The following RNF38 variants were observed in gnomAD, a reference collection of about 807,000 sequenced individuals.
RNF38 encodes the protein ring finger protein 38, also known as E3 ubiquitin-protein ligase RNF38.
Under a neutral mutation model 67.2 loss-of-function variants are expected in RNF38, and 15 were observed. That is an observed-to-expected ratio of 0.22 (90% confidence interval 0.15 to 0.34). The LOEUF (loss-of-function observed/expected upper bound fraction) is 0.34. Among genes scored for constraint, RNF38 ranks in the 10% least tolerant of loss-of-function variants. The pLI is 1.00. For synonymous variants in RNF38, 220 were observed against 218.8 expected (o/e 1.01, Z -0.05); for missense variants, 524 against 639.9 (o/e 0.82, Z 1.95).
At chr9:36,478,820 A>G (rs1445451990) in intron 1 of RNF38, among the ~76,000 whole-genome samples, 1 of 132,812 alleles carries the variant, frequency 7.5e-6, no homozygotes, top group East Asian at 1.9e-4. Context: ...GCTGTCTCAA[A>G]AAAAAAAAAA....
chr9:36,451,447 CA>C (rs1206363738), intron 1 of RNF38, among the ~76,000 whole-genome samples: 1 of 128,838 alleles, frequency 7.8e-6, no homozygotes, highest in African/African-American at 2.8e-5. Context: ...GCCTGTGCAA[CA>C]AGAGTGAAAC....
intron 1 of RNF38, among the ~76,000 whole-genome samples, chr9:36,429,761 T>C (rs1029682823): frequency 2.6e-5 from 4 of 152,146 alleles, no homozygotes; most frequent in African/African-American, 9.7e-5. Context: ...GCCACTGCAC[T>C]CCAGCCTGGG....
At chr9:36,416,874 G>A (rs1300036531) in intron 2 of RNF38, among the ~76,000 whole-genome samples, 1 of 148,168 alleles carries the variant, frequency 6.7e-6, no homozygotes, top group Non-Finnish European at 1.5e-5. Context: ...TGCCTCAGCT[G>A]CCTAAGTAGC....
exon 1 of RNF38, chr9:36,487,418 G>T (rs1357335855): frequency 1.1e-5 from 11 of 981,360 alleles, no homozygotes; most frequent in Non-Finnish European, 1.2e-5. Flanking sequence ...CCGGGGCGGC[G>T]GCGGTGGGGG....
At chr9:36,438,296 C>T (rs947568960) in intron 1 of RNF38, among the ~76,000 whole-genome samples, 1 of 151,858 alleles carries the variant, frequency 6.6e-6, no homozygotes, top group Non-Finnish European at 1.5e-5. Flanking sequence ...AAGGTAGATC[C>T]GATACTCTAA....
At chr9:36,453,956 G>C (rs777075219) in intron 1 of RNF38, among the ~76,000 whole-genome samples, 8 of 152,166 alleles carry the variant, frequency 5.3e-5, no homozygotes, top group Non-Finnish European at 8.8e-5. Context: ...GGGATGAGGG[G>C]AGAAGGTAGA....
At chr9:36,416,184 C>T (rs994387619) in intron 2 of RNF38, among the ~76,000 whole-genome samples, 3 of 6,422 alleles carry the variant, frequency 4.7e-4, no homozygotes, top group Non-Finnish European at 9.3e-4. Flanking sequence ...GGCCACAGGG[C>T]GGAGGGAGGG....
chr9:36,401,211 G>T (rs1252442993), upstream of RNF38: 5 of 982,466 alleles, frequency 5.1e-6, no homozygotes, highest in East Asian at 5.8e-4. Context: ...GGCGGGGCGG[G>T]GCGGGGCGGG....
intron 1 of RNF38, among the ~76,000 whole-genome samples, chr9:36,484,177 A>G (rs1025814228): frequency 3.3e-5 from 5 of 152,234 alleles, no homozygotes; most frequent in Non-Finnish European, 5.9e-5. Context: ...TACACCTGAT[A>G]TATCAGAATG....
intron 9 of RNF38, among the ~76,000 whole-genome samples, chr9:36,345,779 TA>T (rs1833182681): frequency 6.6e-6 from 1 of 151,808 alleles, no homozygotes. Context: ...TACCATGGCC[TA>T]ATATGTCTCA....
chr9:36,401,608 A>T (rs1012102665), upstream of RNF38, among the ~76,000 whole-genome samples: 3 of 152,232 alleles, frequency 2.0e-5, no homozygotes, highest in African/African-American at 7.2e-5. Context: ...AAATAAGAAC[A>T]AAGATTGAAG....
chr9:36,422,549 A>G (rs1838659570), intron 2 of RNF38, among the ~76,000 whole-genome samples: 1 of 152,232 alleles, frequency 6.6e-6, no homozygotes, highest in Non-Finnish European at 1.5e-5. Context: ...TGTATTCCCT[A>G]AATGCCTAGA....
intron 1 of RNF38, among the ~76,000 whole-genome samples, chr9:36,446,493 G>C (rs1309077158): frequency 6.6e-6 from 1 of 152,132 alleles, no homozygotes; most frequent in Non-Finnish European, 1.5e-5. Flanking sequence ...AATTAAATCT[G>C]AAAACACTTT....
chr9:36,441,507 G>A (rs1025589945), intron 1 of RNF38, among the ~76,000 whole-genome samples: 2 of 151,980 alleles, frequency 1.3e-5, no homozygotes, highest in Non-Finnish European at 2.9e-5. Context: ...TCTATTTTTA[G>A]TAGAGCGGGG....
intron 11 of RNF38, 145 bp from the exon 12 acceptor site, chr9:36,339,959 C>G: frequency 2.8e-6 from 2 of 703,670 alleles, no homozygotes; most frequent in Admixed American, 2.6e-5. Flanking sequence ...CTTTTTTTAA[C>G]CCATAAACCT....
intron 1 of RNF38, among the ~76,000 whole-genome samples, chr9:36,394,033 T>C (rs1316592382): frequency 1.3e-5 from 2 of 152,138 alleles, no homozygotes; most frequent in Non-Finnish European, 2.9e-5. Context: ...TCCCAGCACT[T>C]TGGGAGGCCG....
At chr9:36,456,329 T>C (rs1006023115) in intron 1 of RNF38, among the ~76,000 whole-genome samples, 2 of 152,200 alleles carry the variant, frequency 1.3e-5, no homozygotes, top group African/African-American at 4.8e-5. Context: ...AATGCTGGGA[T>C]TACAGGCGTG....
At chr9:36,358,066 C>T in intron 4 of RNF38, 124 bp from the exon 5 acceptor site, 1 of 698,198 alleles carries the variant, frequency 1.4e-6, no homozygotes, top group Non-Finnish European at 2.4e-6. Flanking sequence ...AATGTACTCT[C>T]CAATAGTTTC....
chr9:36,374,186 T>C (rs1364703797), intron 3 of RNF38, among the ~76,000 whole-genome samples: 1 of 152,210 alleles, frequency 6.6e-6, no homozygotes, highest in Non-Finnish European at 1.5e-5. Flanking sequence ...TACTGGGTAA[T>C]GTAAAAGTCT....
Sources: gnomAD v4.1 joint callset for allele counts (sites outside exome capture counted in the v4.1 genomes callset) on GRCh38, gnomAD v4.1.1 for gene constraint, MANE v1.5 for transcripts, NCBI Gene and HGNC (gene_info 2026-07-23, HGNC 2026-07-21) for gene names.